ELAPOR1: variants seen among roughly 807,000 people sequenced by gnomAD.
The protein encoded by ELAPOR1 is endosome-lysosome associated apoptosis and autophagy regulator 1.
A neutral mutation model predicts 119.7 loss-of-function variants in ELAPOR1; 77 were observed. The ratio of observed to expected loss-of-function variants is 0.64; its 90% confidence interval spans 0.54 to 0.78. ELAPOR1 has a LOEUF of 0.78. ELAPOR1 is among the 30% of genes least tolerant of loss of function. ELAPOR1 has a pLI of 0.00. For missense variants in ELAPOR1, 1,115 were observed against 1,270.4 expected (o/e 0.88, Z 1.86); for synonymous variants, 481 against 487.2 (o/e 0.99, Z 0.17).
At chr1:109,193,620 G>C (rs959083765) in intron 14 of ELAPOR1, among the ~76,000 whole-genome samples, 2 of 152,332 alleles carry the variant, frequency 1.3e-5, no homozygotes, top group East Asian at 3.9e-4. Flanking sequence ...CATCTGAGAA[G>C]TACTTATGAC....
intron 1 of ELAPOR1, among the ~76,000 whole-genome samples, chr1:109,133,572 C>T (rs1380774158): frequency 6.6e-6 from 1 of 152,126 alleles, no homozygotes; most frequent in Non-Finnish European, 1.5e-5. Flanking sequence ...TATTATCTCC[C>T]AGTATCTACC....
At chr1:109,151,678 ACAGT>A (rs555802526) in intron 1 of ELAPOR1, among the ~76,000 whole-genome samples, 3 of 152,164 alleles carry the variant, frequency 2.0e-5, no homozygotes, top group Non-Finnish European at 4.4e-5. Flanking sequence ...TCTCTCCCTA[ACAGT>A]CAGGGAACTT....
rs1198801464 is a variant in ELAPOR1 at position 109,197,511 on chromosome 1, A to G, written c.2159A>G (p.Asp720Gly). The G allele has an allele frequency of 6.2e-7, 1 of 1,613,852 alleles. No homozygotes were observed. The highest frequency in any genetic ancestry group is 1.7e-5 in the Admixed American group (1 of 59,978). The change falls in exon 16 of 22, where the codon GAC becomes GGC. Residue 720 changes from aspartate (D) to glycine (G), a missense_variant. Coordinates refer to ENST00000369939, the MANE Select transcript of ELAPOR1 (RefSeq NM_020775.5). ...TCTGTGTGCACCGACAATGTCACTG[A>G]CCTCCGGATTCCTGAGGGTGAGTCA... The part of the protein sequence containing the change: ...KMSVCTDNVT[D>G]LRIPEGESGF...
In ELAPOR1 at chr1:109,127,215, C is replaced by CT. The variant is rs371961969; in HGVS notation, c.153+12897dup. Among the ~76,000 whole-genome samples the CT allele has an allele frequency of 6.0e-3, 778 of 129,000 alleles. 4 individuals are homozygous for CT. The highest frequency in any genetic ancestry group is 0.01 in the African/African-American group (368 of 35,342). The allele number at this position is 129,000 out of a possible 152,430, so 84.6% of individuals were successfully genotyped here. ...CTGTTCTAATTCTTTTTTTTCTTTT[C>CT]TTTTTTTTTTTTTTTTTTAAGATGG... is the stretch of plus-strand genomic sequence containing the variant. On this transcript the variant is annotated intron_variant, in intron 1 of 21. Coordinates refer to ENST00000369939, the MANE Select transcript of ELAPOR1 (RefSeq NM_020775.5).
At chr1:109,187,965 T>C in intron 8 of ELAPOR1, 1 of 1,301,432 alleles carries the variant, frequency 7.7e-7, no homozygotes, top group Non-Finnish European at 9.8e-7. Context: ...GCAACATTCA[T>C]TTGGCAGATA....
chr1:109,182,330 AAAAAATAAT>A (rs1373806468), intron 7 of ELAPOR1, among the ~76,000 whole-genome samples: 6 of 21,428 alleles, frequency 2.8e-4, no homozygotes, highest in Non-Finnish European at 8.9e-4. Context: ...ACTCTGTCTC[AAAAAATAAT>A]AATAATAATA....
intron 1 of ELAPOR1, among the ~76,000 whole-genome samples, chr1:109,143,408 A>G (rs1329809834): frequency 6.6e-6 from 1 of 152,200 alleles, no homozygotes; most frequent in African/African-American, 2.4e-5. Context: ...CAATAGGTAA[A>G]TACATAGAGT....
chr1:109,164,132 C>T (rs1442112656), intron 2 of ELAPOR1, among the ~76,000 whole-genome samples: 1 of 151,664 alleles, frequency 6.6e-6, no homozygotes. Context: ...TCACAGCAAC[C>T]ATCATCACTC....
rs770305404 is a variant in ELAPOR1 at position 109,171,854 on chromosome 1, G to T, written c.468-12G>T. The T allele has an allele frequency of 5.0e-6, 8 of 1,613,912 alleles. No individual in the cohort carries two copies. The East Asian group carries it at 1.6e-4, about 31-fold the overall frequency. ...GCTCCTGCCTGTGAACCTGGTTCCT[G>T]TTCCTTCACAGGTCCAAGTGGGTTC... On this transcript the variant is annotated splice_polypyrimidine_tract_variant and intron_variant, in intron 3 of 21. Coordinates refer to ENST00000369939, the MANE Select transcript of ELAPOR1 (RefSeq NM_020775.5).
chr1:109,119,279 C>A (rs1249300534), intron 1 of ELAPOR1, among the ~76,000 whole-genome samples: 3 of 151,418 alleles, frequency 2.0e-5, no homozygotes, highest in Non-Finnish European at 4.4e-5. Flanking sequence ...TCACTGCAAC[C>A]TCCCCCTCCC....
chr1:109,117,176 C>A (rs1226019725), intron 1 of ELAPOR1, among the ~76,000 whole-genome samples: 1 of 152,202 alleles, frequency 6.6e-6, no homozygotes, highest in Non-Finnish European at 1.5e-5. Context: ...GAGGCCTAAA[C>A]TGAAGTGGCA....
chr1:109,159,445 T>A (rs182631682), intron 1 of ELAPOR1, among the ~76,000 whole-genome samples: 1 of 152,188 alleles, frequency 6.6e-6, no homozygotes, highest in Non-Finnish European at 1.5e-5. Context: ...AAGAGGCCAA[T>A]GCAGTCAGAA....
chr1:109,199,329 G>C (rs1442150938), intron 18 of ELAPOR1, among the ~76,000 whole-genome samples: 1 of 152,210 alleles, frequency 6.6e-6, no homozygotes, highest in Non-Finnish European at 1.5e-5. Context: ...CGCCTAAACT[G>C]ACTGGGGAGA....
At position 109,197,496 on chromosome 1, in the gene ELAPOR1, C is replaced by A; in HGVS notation, c.2144C>A (p.Thr715Asn). The A allele has an allele frequency of 6.2e-7, 1 of 1,614,122 alleles. No individual in the cohort carries two copies. The highest frequency in any genetic ancestry group is 8.5e-7 in the Non-Finnish European group (1 of 1,180,016). Residue 715 changes from threonine (T) to asparagine (N), a missense_variant, in exon 16 of 22, where the codon ACC becomes AAC. By Grantham distance (65) the Thr-to-Asn change is moderately conservative. Coordinates refer to ENST00000369939, the MANE Select transcript of ELAPOR1 (RefSeq NM_020775.5). Reference sequence around the variant, plus strand: ...CAGGGTAGGAAAATGTCTGTGTGCACCGACAATGTCACTGACCTCCGGATT... The same window carrying A: ...CAGGGTAGGAAAATGTCTGTGTGCAACGACAATGTCACTGACCTCCGGATT... ...GNQGRKMSVC[T>N]DNVTDLRIPE... is the part of the protein sequence containing the mutation.
chr1:109,168,792 G>T (rs1651753429), intron 3 of ELAPOR1, among the ~76,000 whole-genome samples: 1 of 152,170 alleles, frequency 6.6e-6, no homozygotes, highest in South Asian at 2.1e-4. Flanking sequence ...TTCTAAAAAT[G>T]ATGATAAAAA....
chr1:109,144,053 A>ATTTTTTTT (rs869275387), intron 1 of ELAPOR1, among the ~76,000 whole-genome samples: 2 of 89,792 alleles, frequency 2.2e-5, no homozygotes, highest in African/African-American at 1.1e-4. Flanking sequence ...ATATATATAT[A>ATTTTTTTT]TTTATATATT....
chr1:109,186,643 T>G, intron 8 of ELAPOR1: 1 of 985,460 alleles, frequency 1.0e-6, no homozygotes, highest in Non-Finnish European at 1.2e-6. Context: ...TGGTATTCTG[T>G]ATGACCTTGT....
At chr1:109,119,423 A>G (rs1160118396) in intron 1 of ELAPOR1, among the ~76,000 whole-genome samples, 2 of 149,854 alleles carry the variant, frequency 1.3e-5, no homozygotes, top group Non-Finnish European at 1.5e-5. Flanking sequence ...AGCTCTAGTG[A>G]TCTGCCTGCC....
At position 109,164,044 on chromosome 1, in the gene ELAPOR1, A is replaced by T. The variant is rs915192596; in HGVS notation, c.275-455A>T. On this transcript the variant is annotated intron_variant, in intron 2 of 21. Coordinates refer to ENST00000369939, the MANE Select transcript of ELAPOR1 (RefSeq NM_020775.5). The stretch of plus-strand genomic sequence containing the variant: ...GTGGCCCTAGATCTATTTTTTTTAT[A>T]ACAGCTTTATTGGTATATAATTTAT... Among the ~76,000 whole-genome samples, 130 of 152,286 alleles carry T rather than the reference A, an allele frequency of 8.5e-4. 1 individual carries two copies. Among genetic ancestry groups the T allele is most frequent in the Non-Finnish European group, 2.8e-4 (19 of 68,026 alleles).
Sources: allele counts gnomAD v4.1 joint callset (sites outside exome capture counted in the v4.1 genomes callset), GRCh38; gene constraint gnomAD v4.1.1; transcripts MANE v1.5; gene names NCBI Gene and HGNC (gene_info 2026-07-23, HGNC 2026-07-21).